The following DYNC2H1 variants were observed in gnomAD, a reference collection of about 807,000 sequenced individuals.
DYNC2H1 encodes dynein cytoplasmic 2 heavy chain 1.
Under a neutral mutation model 570.0 loss-of-function variants are expected in DYNC2H1, and 410 were observed. The ratio of observed to expected loss-of-function variants is 0.72; its 90% CI spans 0.66 to 0.78. The LOEUF (loss-of-function observed/expected upper bound fraction) is 0.78. Ranked by LOEUF, DYNC2H1 falls within the 30% of genes least tolerant of loss-of-function variation. The pLI is 0.00. For missense variants in DYNC2H1, 4,865 were observed against 5,046.4 expected (o/e 0.96, Z 1.09); for synonymous variants, 1,688 against 1,677.6 (o/e 1.01, Z -0.15).
At chr11:103,300,347 G>C (rs1866997275) in intron 75 of DYNC2H1, among the ~76,000 whole-genome samples, 1 of 151,996 alleles carries the variant, frequency 6.6e-6, no homozygotes, top group South Asian at 2.1e-4. Flanking sequence ...TAAAGTTCCA[G>C]TGATTTCCAA....
intron 88 of DYNC2H1, 103 bp from the exon 89 acceptor site, chr11:103,478,992 C>T: frequency 7.8e-7 from 1 of 1,281,064 alleles, no homozygotes; most frequent in Admixed American, 2.3e-5. Context: ...TAATTTGAAA[C>T]ATTTCATAAT....
chr11:103,285,189 T>A (rs1476634591), intron 73 of DYNC2H1, among the ~76,000 whole-genome samples: 3 of 152,160 alleles, frequency 2.0e-5, no homozygotes, highest in African/African-American at 7.2e-5. Context: ...AAAAGAGATG[T>A]CAGTATAGTA....
Position 103,454,071 on chromosome 11 carries a change from G to A in DYNC2H1, c.12457-1115G>A, listed in dbSNP as rs1298432811. ...GAACATTTCTGAGTACTATTCAAAT[G>A]CATTAAGATGTTAATGCAAACACAG... On this transcript the variant is annotated intron_variant, in intron 85 of 88. Transcript: ENST00000375735. Among the ~76,000 whole-genome samples the A allele has an allele frequency of 3.3e-5, 5 of 152,122 alleles. No individual in the cohort carries two copies. The South Asian group carries it at 1.0e-3, about 32-fold the overall frequency.
Position 103,316,476 on chromosome 11 carries a change from C to T in DYNC2H1, c.11650-69C>T, listed in dbSNP as rs7103282. 147,533 of 1,025,612 alleles carry T rather than the reference C, an allele frequency of 0.14. 11,778 individuals carry two copies. Among genetic ancestry groups the T allele is most frequent in the Admixed American group, 0.26 (8,397 of 31,836 alleles). 63.5% of individuals were successfully genotyped at this position (1,025,612 alleles called of 1,614,324 possible). Reference sequence around the variant, plus strand: ...CTATATTGATCATTTAATTTAAAGACAGTGATACATACATATATATCTTTG... The same window carrying T: ...CTATATTGATCATTTAATTTAAAGATAGTGATACATACATATATATCTTTG... On this transcript the variant is annotated intron_variant, in intron 79 of 88. Transcript: ENST00000375735.
chr11:103,236,565 AT>A, intron 63 of DYNC2H1, 26 bp downstream of exon 63: 1 of 1,270,056 alleles, frequency 7.9e-7, no homozygotes. Context: ...TAATTTTTTT[AT>A]TAGAAATGTT....
rs1862167043 is a variant in DYNC2H1 at position 103,188,503 on chromosome 11, A to T, written c.7147A>T (p.Thr2383Ser). The T allele has an allele frequency of 1.3e-6, 2 of 1,594,976 alleles. No individual in the cohort carries two copies. Among genetic ancestry groups the T allele is most frequent in the Non-Finnish European group, 1.7e-6 (2 of 1,166,994 alleles). ...TLVAFLQQVL[T>S]YQGFYDENLE... ...TATATTTATTTTCAAATAGGTATTG[A>T]CGTATCAAGGATTTTATGATGAAAA... The change falls in exon 44 of 89, where the codon ACG (threonine) becomes TCG (serine). Residue 2383 changes from threonine to serine, a missense_variant. Physicochemically the swap from Thr to Ser is moderately conservative, Grantham distance 58. Transcript: ENST00000375735.
chr11:103,169,547 T>C (rs1003984988), intron 32 of DYNC2H1, among the ~76,000 whole-genome samples: 2 of 152,140 alleles, frequency 1.3e-5, no homozygotes. Flanking sequence ...GGAAATGTAT[T>C]TGGGACCCAA....
At chr11:103,431,075 TGA>T (rs1029947481) in intron 84 of DYNC2H1, among the ~76,000 whole-genome samples, 2 of 152,094 alleles carry the variant, frequency 1.3e-5, no homozygotes, top group Non-Finnish European at 2.9e-5. Flanking sequence ...AATTGAGATT[TGA>T]GAGAGAGTGA....
At chr11:103,430,863 T>A (rs995901434) in intron 84 of DYNC2H1, among the ~76,000 whole-genome samples, 5 of 152,174 alleles carry the variant, frequency 3.3e-5, no homozygotes, top group Admixed American at 2.0e-4. Context: ...TTTGATATAC[T>A]CTACCTTCGT....
In DYNC2H1 at chr11:103,192,089, T is replaced by G. The variant is rs1348545075; in HGVS notation, c.7541-8T>G. On this transcript the variant is annotated splice_region_variant and splice_polypyrimidine_tract_variant and intron_variant, in intron 46 of 88. Transcript: ENST00000375735. The stretch of plus-strand genomic sequence containing the variant: ...TATTACAATTAAATAAAATTTTGCC[T>G]TTTCTAGGATCCTCAAACCATCCAC... The G allele has an allele frequency of 6.8e-7, 1 of 1,462,058 alleles. No homozygotes were observed. The highest frequency in any genetic ancestry group is 9.1e-7 in the Non-Finnish European group (1 of 1,095,280). The allele number at this position is 1,462,058 out of a possible 1,614,324, so 90.6% of individuals were successfully genotyped here. A position where few individuals can be genotyped will look rare whatever the true frequency, so the allele number is the denominator to read the frequency against.
intron 82 of DYNC2H1, among the ~76,000 whole-genome samples, chr11:103,341,469 T>C (rs1207536708): frequency 6.6e-6 from 1 of 152,228 alleles, no homozygotes; most frequent in Admixed American, 6.5e-5. Flanking sequence ...GTTGGCCACT[T>C]AGTATTATCT....
chr11:103,267,359 T>C (rs777148577), intron 70 of DYNC2H1, among the ~76,000 whole-genome samples: 7 of 149,916 alleles, frequency 4.7e-5, no homozygotes, highest in Non-Finnish European at 8.9e-5. Context: ...TGGTTGCATC[T>C]AGTAGGTCAT....
intron 17 of DYNC2H1, among the ~76,000 whole-genome samples, chr11:103,143,066 A>G (rs1860042589): frequency 6.6e-6 from 1 of 152,240 alleles, no homozygotes; most frequent in Non-Finnish European, 1.5e-5. Context: ...TTAAAAGTTT[A>G]TGATCACTGC....
Position 103,128,907 on chromosome 11 carries a change from T to G in DYNC2H1, c.1858-3T>G. The stretch of plus-strand genomic sequence containing the variant: ...TATTACTAATTGGACTTTTACTTTG[T>G]AGGTGGCACATTTTTATAATTCTAT... On this transcript the variant is annotated splice_region_variant and splice_polypyrimidine_tract_variant and intron_variant, in intron 12 of 88. Transcript: ENST00000375735. 6.4e-7 allele frequency: 1 copy of G among 1,574,440 alleles called. No homozygotes were observed. The highest frequency in any genetic ancestry group is 8.6e-7 in the Non-Finnish European group (1 of 1,164,490).
chr11:103,155,585 A>G, intron 25 of DYNC2H1, 84 bp downstream of exon 25: 1 of 1,361,224 alleles, frequency 7.3e-7, no homozygotes, highest in South Asian at 1.6e-5. Flanking sequence ...AAATACAAAA[A>G]AAGTCTTCCT....
Position 103,199,726 on chromosome 11 carries a change from T to G in DYNC2H1, c.8088+250T>G, listed in dbSNP as rs1240256524. 1.3e-5 allele frequency among the ~76,000 whole-genome samples: 2 copies of G among 152,124 alleles called. No homozygotes were observed. Among genetic ancestry groups the G allele is most frequent in the Non-Finnish European group, 2.9e-5 (2 of 68,016 alleles). ...ATTAGAATTTCTAGGAAGCAGATAC[T>G]CCAGGTCATGGGATGTTAGACAGAC... On this transcript the variant is annotated intron_variant, in intron 49 of 88. Transcript: ENST00000375735. The surrounding 1 kb of genome is among the most constrained non-coding windows in gnomAD (Gnocchi z 4.6).
chr11:103,209,107 A>AT lies in DYNC2H1; in HGVS notation c.8455-760dup, dbSNP rs1195331501. On this transcript the variant is annotated intron_variant, in intron 52 of 88. Coordinates refer to ENST00000375735, the MANE Select transcript of DYNC2H1 (RefSeq NM_001377.3). The surrounding 1 kb of genome is among the most constrained non-coding windows in gnomAD (Gnocchi z 4.2). ...TTAATGAAGACATCTTTTGGCTTAC[A>AT]TTTTTTTTTCAGTCTGAGAAATTTA... Among the ~76,000 whole-genome samples, 76 of 150,912 alleles carry AT rather than the reference A, an allele frequency of 5.0e-4. No homozygotes were observed. The Middle Eastern group carries it at 0.024, about 47-fold the overall frequency.
At chr11:103,454,876 CACACT>C (rs1414411716) in intron 85 of DYNC2H1, 1 of 229,976 alleles carries the variant, frequency 4.3e-6, no homozygotes, top group East Asian at 9.4e-5. Context: ...ATTTCGTCAG[CACACT>C]ACAAGTGCTG....
chr11:103,426,123 A>G (rs1591736572), intron 84 of DYNC2H1, among the ~76,000 whole-genome samples: 1 of 152,252 alleles, frequency 6.6e-6, no homozygotes. Flanking sequence ...CCTTAAAGAC[A>G]TGTTCCTGCT....
Sources: allele counts gnomAD v4.1 joint callset (sites outside exome capture counted in the v4.1 genomes callset), GRCh38; gene constraint gnomAD v4.1.1; non-coding constraint Gnocchi (gnomAD v3.1); transcripts MANE v1.5; gene names NCBI Gene and HGNC (gene_info 2026-07-23, HGNC 2026-07-21).